Variants in DIP2C observed in about 807,000 individuals in gnomAD.
DIP2C encodes disco-interacting protein 2 homolog C.
DIP2C carries 33 observed loss-of-function variants against 192.4 expected under a neutral mutation model. The observed-to-expected ratio is 0.17, with a 90% confidence interval of 0.13 to 0.23. The LOEUF (loss-of-function observed/expected upper bound fraction) is 0.23, where lower values mean the gene tolerates loss of function less well. Among genes scored for constraint, DIP2C ranks in the 10% least tolerant of loss-of-function variants. The pLI is 1.00. For missense variants in DIP2C, 1,537 were observed against 2,110.1 expected, an observed-to-expected ratio of 0.73 and a Z score of 5.32; for synonymous variants, 979 against 864.1, an observed-to-expected ratio of 1.13 and a Z score of -2.33.
intron 1 of DIP2C, among the ~76,000 whole-genome samples, chr10:569,305 A>G (rs996439063): frequency 2.6e-5 from 4 of 152,242 alleles, no homozygotes; most frequent in Admixed American, 6.5e-5. Context: ...CATGCCAGGA[A>G]AAGTCACACT....
rs770602167 is a variant in DIP2C, at chr10:357,946, A to T, written c.2795-9T>A. On this transcript the variant is annotated splice_polypyrimidine_tract_variant and intron_variant, in intron 22 of 36. Transcript: ENST00000280886. Reference sequence around the variant, plus strand: ...AGAGGCAGGGCCGATTTCTAGAAAGAAACAGAGACATGGCCATGAGGAAAC... The same window carrying T: ...AGAGGCAGGGCCGATTTCTAGAAAGTAACAGAGACATGGCCATGAGGAAAC... 2 of 1,600,062 alleles carry T rather than the reference A, an allele frequency of 1.2e-6. No individual in the cohort carries two copies. The highest frequency in any genetic ancestry group is 4.5e-5 in the East Asian group (2 of 44,838).
intron 1 of DIP2C, among the ~76,000 whole-genome samples, chr10:626,113 C>A (rs1854184529): frequency 6.6e-6 from 1 of 152,170 alleles, no homozygotes; most frequent in African/African-American, 2.4e-5. Flanking sequence ...GTCCATGGAC[C>A]ACGACAAAAG....
chr10:439,854 A>G (rs1967585633), intron 4 of DIP2C, among the ~76,000 whole-genome samples: 2 of 152,164 alleles, frequency 1.3e-5, no homozygotes, highest in Admixed American at 6.5e-5. Flanking sequence ...AAAATTGTAC[A>G]TTTTCAACTA....
intron 1 of DIP2C, among the ~76,000 whole-genome samples, chr10:499,561 A>C (rs2133637204): frequency 6.6e-6 from 1 of 152,352 alleles, no homozygotes; most frequent in East Asian, 1.9e-4. Flanking sequence ...CTACTGAAAT[A>C]GTACCATATA....
intron 1 of DIP2C, among the ~76,000 whole-genome samples, chr10:524,338 G>C (rs1357625847): frequency 6.6e-6 from 1 of 152,196 alleles, no homozygotes; most frequent in African/African-American, 2.4e-5. Context: ...GATGCAAAAA[G>C]CAAGGCTAAC....
rs185464536 is a variant in DIP2C, at chr10:504,398, G to A, written c.86-17868C>T. Among the ~76,000 whole-genome samples the A allele has an allele frequency of 2.0e-3, 299 of 152,186 alleles. 1 individual carries two copies. The highest frequency in any genetic ancestry group is 0.014 in the Middle Eastern group (4 of 292). On this transcript the variant is annotated intron_variant, in intron 1 of 36. Coordinates refer to ENST00000280886, the MANE Select transcript of DIP2C (RefSeq NM_014974.3). ...GCTACCATGGAACTATTCCAGGCAC[G>A]AACTACCTGGAAGTCCTGGGAGAGA...
At chr10:657,395 CCCTGG>C (rs1374052210) in intron 1 of DIP2C, among the ~76,000 whole-genome samples, 2 of 53,462 alleles carry the variant, frequency 3.7e-5, no homozygotes, top group African/African-American at 1.3e-4. Context: ...CTGGACCTGC[CCCTGG>C]ACCTGCCCTT....
chr10:682,687 A>T (rs1164558868), intron 1 of DIP2C, among the ~76,000 whole-genome samples: 1 of 152,114 alleles, frequency 6.6e-6, no homozygotes, highest in Non-Finnish European at 1.5e-5. Context: ...TTTATTTTTT[A>T]ATTTTTAATG....
chr10:619,528 A>AGGGCCAGGGCCAGGGCCAGGGCCAGGCCC (rs1853711139), intron 1 of DIP2C, among the ~76,000 whole-genome samples: 1 of 129,714 alleles, frequency 7.7e-6, no homozygotes, highest in African/African-American at 3.3e-5. Flanking sequence ...GCCAGGACCA[A>AGGGCCAGGGCCAGGGCCAGGGCCAGGCCC]GCCCGCCCGC....
In DIP2C at chr10:344,841, C is replaced by T. The variant is rs1381409925; in HGVS notation, c.3421G>A (p.Val1141Met). Residue 1141 changes from valine to methionine, a missense_variant, in exon 28 of 37, where the codon GTG becomes ATG. Val to Met is a conservative substitution (Grantham distance 21). Around this residue, in one of 4 missense-constraint regions of DIP2C, gnomAD observed 341 missense variants for 551.7 expected, o/e 0.62. Transcript: ENST00000280886. ...PDTLAYLDFSVSTTGMLAGVK... is the reference protein window; with the variant it reads ...PDTLAYLDFSMSTTGMLAGVK... ...CCAGCTAGCATCCCAGTTGTGGACA[C>T]GCTGAAGTCGAGATATGCAAGAGTG... 2 of 1,601,820 alleles carry T rather than the reference C, an allele frequency of 1.2e-6. No individual in the cohort carries two copies. The highest frequency in any genetic ancestry group is 1.7e-6 in the Non-Finnish European group (2 of 1,175,514).
chr10:328,664 C>G (rs1384347836), intron 30 of DIP2C, among the ~76,000 whole-genome samples: 2 of 152,142 alleles, frequency 1.3e-5, no homozygotes, highest in East Asian at 1.9e-4. Context: ...GCTTTCCTGT[C>G]CAAGCTTTAT....
intron 1 of DIP2C, among the ~76,000 whole-genome samples, chr10:590,617 C>A (rs1588538945): frequency 6.6e-6 from 1 of 152,244 alleles, no homozygotes; most frequent in South Asian, 2.1e-4. Context: ...TGAGAGTTTA[C>A]TACAATCTTT....
chr10:655,643 T>A (rs1259914132), intron 1 of DIP2C, among the ~76,000 whole-genome samples: 2 of 152,192 alleles, frequency 1.3e-5, no homozygotes, highest in African/African-American at 4.8e-5. Flanking sequence ...ATGCTGTGTG[T>A]TCTAATCTAG....
At chr10:670,355 TAC>T (rs1398634429) in intron 1 of DIP2C, among the ~76,000 whole-genome samples, 1 of 151,798 alleles carries the variant, frequency 6.6e-6, no homozygotes, top group Non-Finnish European at 1.5e-5. Context: ...TGCACATACA[TAC>T]ACATACACAC....
At chr10:411,628 CAGTATT>C (rs1184869754) in intron 8 of DIP2C, among the ~76,000 whole-genome samples, 3 of 152,108 alleles carry the variant, frequency 2.0e-5, no homozygotes, top group African/African-American at 4.8e-5. Context: ...CCAAATTACT[CAGTATT>C]AGAACAATTC....
At chr10:597,347 G>GAC (rs377473164) in intron 1 of DIP2C, among the ~76,000 whole-genome samples, 6 of 151,980 alleles carry the variant, frequency 3.9e-5, no homozygotes, top group South Asian at 2.1e-4. Flanking sequence ...CCTCCCCCTG[G>GAC]ACACACACAC....
chr10:324,084 T>TC (rs1429787635), intron 31 of DIP2C, among the ~76,000 whole-genome samples: 2 of 152,076 alleles, frequency 1.3e-5, no homozygotes, highest in Non-Finnish European at 2.9e-5. Context: ...CTGACTGCCC[T>TC]CCCCCAGAAC....
At chr10:608,241 CCA>C (rs1284588652) in intron 1 of DIP2C, among the ~76,000 whole-genome samples, 3 of 21,722 alleles carry the variant, frequency 1.4e-4, no homozygotes, top group South Asian at 2.4e-3. Context: ...ACAGCCCCCC[CCA>C]CACACACCCC....
chr10:318,904 A>AT (rs1454741387), intron 31 of DIP2C, among the ~76,000 whole-genome samples: 15 of 87,592 alleles, frequency 1.7e-4, no homozygotes, highest in Non-Finnish European at 3.0e-4. Context: ...AGCCTTCCAC[A>AT]TTTTTCTTTT....
Sources: allele counts gnomAD v4.1 joint callset (sites outside exome capture counted in the v4.1 genomes callset), GRCh38; gene constraint gnomAD v4.1.1; regional missense constraint gnomAD v4.1.1; transcripts MANE v1.5; gene names NCBI Gene and HGNC (gene_info 2026-07-23, HGNC 2026-07-21).